The following PCDHGB2 variants were observed in gnomAD, a reference collection of about 807,000 sequenced individuals.
PCDHGB2 encodes protocadherin gamma-B2.
PCDHGB2 carries 55 observed loss-of-function variants against 59.3 expected under a neutral mutation model. The observed-to-expected ratio is 0.93, with a 90% CI of 0.75 to 1.16. The LOEUF is 1.16. Among genes scored for constraint, PCDHGB2 ranks in the 50% most tolerant of loss-of-function variants. The probability of loss-of-function intolerance (pLI) is 0.00; values close to 1 mark genes in which losing one functional copy is unlikely to be tolerated. For missense variants in PCDHGB2, 1,228 were observed against 1,198.5 expected (o/e 1.02, Z -0.36); for synonymous variants, 516 against 512.0 (o/e 1.01, Z -0.11).
intron 1 of PCDHGB2, chr5:141,393,700 A>T: frequency 6.2e-7 from 1 of 1,613,934 alleles, no homozygotes; most frequent in Non-Finnish European, 8.5e-7. Context: ...CAGCTTAATG[A>T]AAATACTGGG....
rs1215626157 is a variant in PCDHGB2, at chr5:141,487,804, GT to G, written c.2422-7000del. ...TCGTGAATTAACCAGAGTTGTCACAGTTTAGCATTGGGGGCGGGTCATGCCT... is the reference window on the plus strand; with the variant it reads ...TCGTGAATTAACCAGAGTTGTCACAGTTAGCATTGGGGGCGGGTCATGCCT... On this transcript the variant is annotated intron_variant, in intron 1 of 3. Transcript: ENST00000522605. The surrounding 1 kb of genome is among the most constrained non-coding windows in gnomAD (Gnocchi z 5.0). 15 of 1,451,846 alleles carry G rather than the reference GT, an allele frequency of 1.0e-5. No homozygotes were observed. The highest frequency in any genetic ancestry group is 1.3e-5 in the Non-Finnish European group (14 of 1,072,382). 89.9% of individuals were successfully genotyped at this position (1,451,846 alleles called of 1,614,324 possible).
intron 1 of PCDHGB2, chr5:141,409,837 C>T (rs182654621): frequency 2.2e-5 from 36 of 1,611,350 alleles, no homozygotes; most frequent in Non-Finnish European, 2.9e-5. Context: ...TCAGCGCCAA[C>T]GTGAGCCTGC....
chr5:141,413,788 G>T (rs2095678300), intron 1 of PCDHGB2: 1 of 1,613,166 alleles, frequency 6.2e-7, no homozygotes, highest in African/African-American at 1.3e-5. Flanking sequence ...GCACTCCCTA[G>T]ATCGCGAGGA....
chr5:141,468,790 C>T (rs1215557602), intron 1 of PCDHGB2, among the ~76,000 whole-genome samples: 10 of 151,564 alleles, frequency 6.6e-5, no homozygotes, highest in African/African-American at 2.2e-4. Context: ...GGCGTGAACC[C>T]GGGAGGCGGA....
intron 1 of PCDHGB2, chr5:141,479,313 G>C (rs926148640): frequency 2.0e-5 from 3 of 152,456 alleles, no homozygotes; most frequent in Non-Finnish European, 2.9e-5. Context: ...AAAACATAAA[G>C]TAGCCAGACT....
intron 1 of PCDHGB2, chr5:141,403,422 C>G: frequency 6.2e-7 from 1 of 1,614,030 alleles, no homozygotes; most frequent in Non-Finnish European, 8.5e-7. Flanking sequence ...CTTCCAGAAG[C>G]TATTGATCCG....
At chr5:141,418,815 T>A in intron 1 of PCDHGB2, 1 of 1,613,864 alleles carries the variant, frequency 6.2e-7, no homozygotes, top group East Asian at 2.2e-5. Flanking sequence ...ACGATAAACA[T>A]AGAAGCAAAA....
chr5:141,364,999 C>A, intron 1 of PCDHGB2: 1 of 1,613,864 alleles, frequency 6.2e-7, no homozygotes, highest in South Asian at 1.1e-5. Context: ...CGGTACTCTC[C>A]GGCACCACGC....
chr5:141,389,211 G>T (rs2091646577), intron 1 of PCDHGB2: 1 of 1,613,940 alleles, frequency 6.2e-7, no homozygotes, highest in Admixed American at 1.7e-5. Context: ...CATTGGTGAT[G>T]TAAATGACAA....
At chr5:141,385,132 G>A (rs763210124) in intron 1 of PCDHGB2, 9 of 1,614,208 alleles carry the variant, frequency 5.6e-6, no homozygotes, top group Middle Eastern at 1.6e-4. Flanking sequence ...GGGCATGGAC[G>A]GGGTGCAGGC....
chr5:141,366,573 C>G (rs1323314760), intron 1 of PCDHGB2: 1 of 1,614,252 alleles, frequency 6.2e-7, no homozygotes, highest in Admixed American at 1.7e-5. Context: ...GGGGTTCGGG[C>G]TTTCCTGCAG....
intron 1 of PCDHGB2, chr5:141,419,325 A>G (rs1490162008): frequency 6.2e-7 from 1 of 1,613,586 alleles, no homozygotes; most frequent in Non-Finnish European, 8.5e-7. Flanking sequence ...CGTGTCTCCT[A>G]CTCTCTCATT....
At chr5:141,449,933 G>A (rs1012332454) in intron 1 of PCDHGB2, among the ~76,000 whole-genome samples, 1 of 149,752 alleles carries the variant, frequency 6.7e-6, no homozygotes, top group African/African-American at 2.5e-5. Flanking sequence ...ATACCTTATA[G>A]TATATTTTAC....
intron 1 of PCDHGB2, among the ~76,000 whole-genome samples, chr5:141,483,007 C>T (rs938404755): frequency 1.3e-5 from 2 of 152,022 alleles, no homozygotes; most frequent in Non-Finnish European, 2.9e-5. Flanking sequence ...ATTGCTTGAA[C>T]CCGGGAGGCA....
Position 141,361,670 on chromosome 5 carries a change from G to T in PCDHGB2, c.1535G>T (p.Gly512Val), listed in dbSNP as rs1388085140. The part of the protein sequence containing the change: ...LSYVSVSAQS[G>V]VVFAQRAFDH... ...TACGTGTCCGTGAGCGCGCAGAGCG[G>T]GGTGGTGTTCGCGCAGCGCGCCTTC... Residue 512 changes from glycine to valine, a missense_variant, in exon 1 of 4, where the codon GGG becomes GTG. This residue lies in a region of PCDHGB2 where 781 missense variants were observed against 721.6 expected (regional missense o/e 1.08). Coordinates refer to ENST00000522605, the MANE Select transcript of PCDHGB2 (RefSeq NM_018923.3). 71 of 1,613,684 alleles carry T rather than the reference G, an allele frequency of 4.4e-5. 1 individual carries two copies. The highest frequency in any genetic ancestry group is 5.9e-5 in the Non-Finnish European group (70 of 1,179,914).
chr5:141,499,634 C>A (rs1194596079), intron 2 of PCDHGB2, among the ~76,000 whole-genome samples: 1 of 151,220 alleles, frequency 6.6e-6, no homozygotes, highest in Non-Finnish European at 1.5e-5. Flanking sequence ...TCTTTTGAAG[C>A]AAATCTCAGA....
chr5:141,466,581 T>C (rs1426600962), intron 1 of PCDHGB2, among the ~76,000 whole-genome samples: 2 of 152,198 alleles, frequency 1.3e-5, no homozygotes, highest in Non-Finnish European at 2.9e-5. Flanking sequence ...GTCTCATCCC[T>C]TCTTAAAACA....
At chr5:141,363,492 A>G (rs1043734455) in intron 1 of PCDHGB2, among the ~76,000 whole-genome samples, 5 of 152,244 alleles carry the variant, frequency 3.3e-5, no homozygotes, top group African/African-American at 1.2e-4. Flanking sequence ...GGATGATGAA[A>G]TAAAACCCCA....
intron 1 of PCDHGB2, chr5:141,423,380 G>A: frequency 6.2e-7 from 1 of 1,614,178 alleles, no homozygotes; most frequent in Non-Finnish European, 8.5e-7. Context: ...CTCAGGCTGT[G>A]GCGCTGGCAT....
Sources: gnomAD v4.1 joint callset for allele counts (sites outside exome capture counted in the v4.1 genomes callset) on GRCh38, gnomAD v4.1.1 for gene constraint, gnomAD v4.1.1 regional missense constraint, Gnocchi (gnomAD v3.1) non-coding constraint, MANE v1.5 for transcripts, NCBI Gene and HGNC (gene_info 2026-07-23, HGNC 2026-07-21) for gene names.